DMD: variants seen among roughly 807,000 people sequenced by gnomAD.
The protein encoded by DMD is mutant dystrophin.
Under a neutral mutation model 330.1 loss-of-function variants are expected in DMD, and 63 were observed. The observed-to-expected ratio is 0.19, with a 90% CI of 0.16 to 0.24. The LOEUF (loss-of-function observed/expected upper bound fraction) is 0.24, where lower values mean the gene tolerates loss of function less well. Among genes scored for constraint, DMD ranks in the 10% least tolerant of loss-of-function variants. The probability of loss-of-function intolerance (pLI) is 1.00; values close to 1 mark genes in which losing one functional copy is unlikely to be tolerated. For synonymous variants in DMD, 1,223 were observed against 959.8 expected, an observed-to-expected ratio of 1.27 and a Z score of -5.07; for missense variants, 3,344 against 2,684.1, an observed-to-expected ratio of 1.25 and a Z score of -5.43.
intron 42 of DMD, among the ~76,000 whole-genome samples, chrX:32,308,414 G>A (rs763580908): frequency 1.8e-5 from 2 of 110,565 alleles, no homozygotes; most frequent in Admixed American, 1.9e-4. Flanking sequence ...ACTGGATAAT[G>A]ACAATGATGA....
chrX:32,176,089 G>A (rs1035663493), intron 44 of DMD, among the ~76,000 whole-genome samples: 8 of 111,631 alleles, frequency 7.2e-5, no homozygotes, highest in South Asian at 3.8e-4. Flanking sequence ...CCTTGTGCCC[G>A]GAATGCTTTG....
intron 41 of DMD, among the ~76,000 whole-genome samples, chrX:32,316,122 G>T (rs1174006524): frequency 9.0e-6 from 1 of 111,554 alleles, no homozygotes; most frequent in African/African-American, 3.2e-5. Flanking sequence ...ATAAGCCATA[G>T]AGCAACCAGT....
chrX:31,284,065 C>G (rs2052835081), intron 62 of DMD, among the ~76,000 whole-genome samples: 2 of 112,072 alleles, frequency 1.8e-5, no homozygotes, highest in African/African-American at 6.5e-5. Context: ...CTTACGTTAG[C>G]CTACAGTTGG....
At chrX:31,910,129 AAGAT>A (rs1007412744) in intron 47 of DMD, among the ~76,000 whole-genome samples, 4 of 110,564 alleles carry the variant, frequency 3.6e-5, no homozygotes, top group Non-Finnish European at 7.7e-5. Context: ...GGCACACAAA[AAGAT>A]AGAATGAAAT....
chrX:33,169,104 G>A (rs1429831038), intron 1 of DMD, among the ~76,000 whole-genome samples: 4 of 108,355 alleles, frequency 3.7e-5, no homozygotes, highest in African/African-American at 1.3e-4. Flanking sequence ...TTACATACAT[G>A]CTTTTATTAC....
intron 2 of DMD, among the ~76,000 whole-genome samples, chrX:32,977,933 CAT>C (rs2092600576): frequency 9.0e-6 from 1 of 111,377 alleles, no homozygotes; most frequent in Non-Finnish European, 1.9e-5. Context: ...CCAGGAAAAA[CAT>C]AGAATTTTTT....
chrX:31,823,810 G>A (rs770521370), intron 49 of DMD, among the ~76,000 whole-genome samples: 1 of 111,060 alleles, frequency 9.0e-6, no homozygotes, highest in Non-Finnish European at 1.9e-5. Context: ...CTGGACTCCA[G>A]TGATCTGCCC....
chrX:32,567,113 AT>A (rs747563774), intron 15 of DMD, among the ~76,000 whole-genome samples: 25 of 111,757 alleles, frequency 2.2e-4, no homozygotes, highest in Admixed American at 9.6e-4. Flanking sequence ...TGGCACCTGC[AT>A]TGATAGCTCT....
chrX:32,298,980 G>A (rs1010719275), intron 42 of DMD, among the ~76,000 whole-genome samples: 5 of 111,267 alleles, frequency 4.5e-5, no homozygotes, highest in African/African-American at 1.6e-4. Flanking sequence ...CTGTTGCCAT[G>A]GTGGGATTAT....
At chrX:32,806,576 G>A (rs112363061) in intron 7 of DMD, among the ~76,000 whole-genome samples, 2,262 of 111,384 alleles carry the variant, frequency 0.02, 61 homozygotes, top group African/African-American at 0.069. Context: ...CTTGAACTCA[G>A]CTCTGGACCA....
chrX:31,868,205 A>G (rs1174260271), intron 48 of DMD, among the ~76,000 whole-genome samples: 2 of 112,165 alleles, frequency 1.8e-5, no homozygotes, highest in Non-Finnish European at 3.8e-5. Context: ...AATTAACTAC[A>G]TGGGCCTGAA....
chrX:32,652,988 T>C (rs771354744), intron 9 of DMD, among the ~76,000 whole-genome samples: 117 of 112,259 alleles, frequency 1.0e-3, no homozygotes, highest in Non-Finnish European at 1.8e-3. Context: ...TCATATCCTT[T>C]GCCCACTTTT....
At chrX:33,016,369 G>C (rs112592111) in intron 2 of DMD, among the ~76,000 whole-genome samples, 3 of 111,710 alleles carry the variant, frequency 2.7e-5, no homozygotes, top group African/African-American at 9.7e-5. Context: ...GACATACAGC[G>C]TAGAAGGTAT....
At chrX:32,372,821 T>G (rs766924055) in intron 34 of DMD, among the ~76,000 whole-genome samples, 1 of 111,896 alleles carries the variant, frequency 8.9e-6, no homozygotes, top group Non-Finnish European at 1.9e-5. Flanking sequence ...TATTCTCAAA[T>G]GGCTTTCCTC....
intron 1 of DMD, among the ~76,000 whole-genome samples, chrX:33,292,137 C>G (rs1473068989): frequency 9.0e-6 from 1 of 111,088 alleles, no homozygotes; most frequent in Non-Finnish European, 1.9e-5. Context: ...TCACATCTCC[C>G]TTCACACCTA....
At chrX:32,494,496 G>T (rs770160356) in intron 19 of DMD, among the ~76,000 whole-genome samples, 1 of 110,656 alleles carries the variant, frequency 9.0e-6, no homozygotes, top group East Asian at 2.8e-4. Flanking sequence ...GTGTGAAATG[G>T]GTTCAGTTAC....
intron 7 of DMD, among the ~76,000 whole-genome samples, chrX:32,733,703 C>T (rs1468537654): frequency 9.0e-6 from 1 of 110,666 alleles, no homozygotes; most frequent in Non-Finnish European, 1.9e-5. Flanking sequence ...TAAAGATGTT[C>T]TTTGAAACCA....
intron 9 of DMD, among the ~76,000 whole-genome samples, chrX:32,671,600 A>T (rs1245161988): frequency 8.9e-6 from 1 of 112,237 alleles, no homozygotes; most frequent in African/African-American, 3.2e-5. Flanking sequence ...TTCCATTAAA[A>T]TGTAAAAGTC....
intron 2 of DMD, among the ~76,000 whole-genome samples, chrX:32,992,950 G>A (rs1051289526): frequency 1.8e-4 from 19 of 105,056 alleles, no homozygotes; most frequent in African/African-American, 6.6e-4. Context: ...TATTGAATTT[G>A]AGTAAAATGC....
Sources: gnomAD v4.1 joint callset for allele counts (sites outside exome capture counted in the v4.1 genomes callset) on GRCh38, gnomAD v4.1.1 for gene constraint, MANE v1.5 for transcripts, NCBI Gene and HGNC (gene_info 2026-07-23, HGNC 2026-07-21) for gene names.